Variants in TESMIN observed in about 807,000 individuals in gnomAD.
TESMIN encodes the protein CXC domain containing 2.
In TESMIN, 34 loss-of-function variants were observed where a neutral mutation model predicts 47.4. The ratio of observed to expected loss-of-function variants is 0.72; its 90% CI spans 0.55 to 0.96. The LOEUF (loss-of-function observed/expected upper bound fraction) is 0.96. Ranked by LOEUF, TESMIN falls within the 40% of genes least tolerant of loss-of-function variation. The probability of loss-of-function intolerance (pLI) is 0.00; values close to 1 mark genes in which losing one functional copy is unlikely to be tolerated. For missense variants in TESMIN, 610 were observed against 637.2 expected, an observed-to-expected ratio of 0.96 and a Z score of 0.46; for synonymous variants, 278 against 258.9, an observed-to-expected ratio of 1.07 and a Z score of -0.71.
rs376497218 is a variant in TESMIN, at chr11:68,750,284, G to A, written c.377C>T (p.Ser126Phe). Residue 126 changes from serine to phenylalanine, a missense_variant, in exon 2 of 10, where the codon TCC becomes TTC. Coordinates refer to ENST00000255087, the MANE Select transcript of TESMIN (RefSeq NM_004923.3). ...QPPACNVHFL[S>F]SLLPAHRSPA... Reference sequence around the variant, plus strand: ...GCTGCGGTGCGCGGGTAGCAGCGAGGACAGGAAGTGCACGTTGCAGGCGGG... The same window carrying A: ...GCTGCGGTGCGCGGGTAGCAGCGAGAACAGGAAGTGCACGTTGCAGGCGGG... 6.4e-7 allele frequency: 1 copy of A among 1,552,268 alleles called. No homozygotes were observed. Among genetic ancestry groups the A allele is most frequent in the Non-Finnish European group, 8.6e-7 (1 of 1,156,302 alleles).
chr11:68,723,042 A>G (rs1203866475), intron 6 of TESMIN, among the ~76,000 whole-genome samples: 2 of 152,198 alleles, frequency 1.3e-5, no homozygotes, highest in African/African-American at 4.8e-5. Flanking sequence ...TTTAAACAAC[A>G]AAATAAGCCA....
At chr11:68,735,158 A>G (rs1946372809) in intron 6 of TESMIN, among the ~76,000 whole-genome samples, 1 of 152,144 alleles carries the variant, frequency 6.6e-6, no homozygotes, top group African/African-American at 2.4e-5. Flanking sequence ...TTTTGCCCTC[A>G]TGGGTGCCTA....
chr11:68,709,841 G>A (rs1468568370), intron 9 of TESMIN, among the ~76,000 whole-genome samples: 1 of 152,140 alleles, frequency 6.6e-6, no homozygotes, highest in Admixed American at 6.5e-5. Context: ...CACAGACAAT[G>A]CAGCCAGGTT....
At chr11:68,742,773 C>A (rs1334243393) in intron 4 of TESMIN, among the ~76,000 whole-genome samples, 1 of 152,158 alleles carries the variant, frequency 6.6e-6, no homozygotes, top group Non-Finnish European at 1.5e-5. Flanking sequence ...GCGAGGCTGG[C>A]TTCAAACTCC....
chr11:68,743,234 C>CTTT lies in TESMIN; in HGVS notation c.752-843_752-841dup, dbSNP rs57435562. ...CATCTATTGGATACCACAGGAACTACTTTTTTTTTTTTTTTTTTTTTTGAG... is the reference window on the plus strand; with the variant it reads ...CATCTATTGGATACCACAGGAACTACTTTTTTTTTTTTTTTTTTTTTTTTTGAG... On this transcript the variant is annotated intron_variant, in intron 4 of 9. Coordinates refer to ENST00000255087, the MANE Select transcript of TESMIN (RefSeq NM_004923.3). Among the ~76,000 whole-genome samples the CTTT allele has an allele frequency of 5.3e-3, 647 of 123,004 alleles. 6 individuals carry two copies. The highest frequency in any genetic ancestry group is 0.016 in the Middle Eastern group (3 of 184). The allele number at this position is 123,004 out of a possible 152,430, so 80.7% of individuals were successfully genotyped here.
chr11:68,748,613 G>A (rs1439429302), intron 2 of TESMIN, among the ~76,000 whole-genome samples: 1 of 152,148 alleles, frequency 6.6e-6, no homozygotes, highest in Non-Finnish European at 1.5e-5. Context: ...TCTAGAAGAA[G>A]GAAATTAGCA....
At position 68,711,106 on chromosome 11, in the gene TESMIN, G is replaced by A. The variant is rs182049967; in HGVS notation, c.1159-57C>T. On this transcript the variant is annotated intron_variant, in intron 8 of 9. Coordinates refer to ENST00000255087, the MANE Select transcript of TESMIN (RefSeq NM_004923.3). ...GTTGTCTCACAAGTCATCAAAAACT[G>A]ACAAATTCTATTTGGACCTTAAATA... 7 of 1,402,578 alleles carry A rather than the reference G, an allele frequency of 5.0e-6. No homozygotes were observed. In the East Asian group the frequency reaches 1.6e-4, roughly 32 times the overall value. The allele number at this position is 1,402,578 out of a possible 1,614,324, so 86.9% of individuals were successfully genotyped here.
At position 68,715,926 on chromosome 11, in the gene TESMIN, A is replaced by T; in HGVS notation, c.931T>A (p.Phe311Ile). The T allele has an allele frequency of 1.9e-6, 3 of 1,610,150 alleles. No homozygotes were observed. Among genetic ancestry groups the T allele is most frequent in the Non-Finnish European group, 2.6e-6 (3 of 1,176,418 alleles). The change falls in exon 7 of 10, where the codon TTT (phenylalanine) becomes ATT (isoleucine). Residue 311 changes from phenylalanine to isoleucine, a missense_variant. Transcript: ENST00000255087. ...TTGTTGCAAAAGTCCCCACTGGCAAAGCAGTCACAGTACCTGTGAAGGAAA... is the reference window on the plus strand; with the variant it reads ...TTGTTGCAAAAGTCCCCACTGGCAATGCAGTCACAGTACCTGTGAAGGAAA... ...KITLAGYCDCFASGDFCNNCN... is the reference protein window; with the variant it reads ...KITLAGYCDCIASGDFCNNCN...
chr11:68,705,030 G>A (rs1945985414), downstream of TESMIN, among the ~76,000 whole-genome samples: 1 of 152,224 alleles, frequency 6.6e-6, no homozygotes, highest in Non-Finnish European at 1.5e-5. Context: ...GATGGAGGCA[G>A]GGCTGGGGGA....
intron 5 of TESMIN, 68 bp from the exon 6 acceptor site, chr11:68,738,856 C>T (rs1946422743): frequency 7.4e-7 from 1 of 1,351,272 alleles, no homozygotes; most frequent in Admixed American, 1.8e-5. Context: ...TCAGCCAGCC[C>T]CCTAGATAAA....
rs1466807185 is a variant in TESMIN at position 68,713,323 on chromosome 11, C to A, written c.1105G>T (p.Gly369Trp). Residue 369 changes from glycine (G) to tryptophan (W), a missense_variant, in exon 8 of 10, where the codon GGG becomes TGG. Physicochemically the swap from Gly to Trp is radical, Grantham distance 184. Coordinates refer to ENST00000255087, the MANE Select transcript of TESMIN (RefSeq NM_004923.3). Reference sequence around the variant, plus strand: ...CAGCCTGACCTCCTGCAGTTGCACCCTTTGTTGTGCTGGGGCTTGACATTG... The same window carrying A: ...CAGCCTGACCTCCTGCAGTTGCACCATTTGTTGTGCTGGGGCTTGACATTG... ...LGNVKPQHNK[G>W]CNCRRSGCLK... The A allele has an allele frequency of 1.1e-5, 18 of 1,614,052 alleles. No individual in the cohort carries two copies. Among genetic ancestry groups the A allele is most frequent in the Admixed American group, 1.7e-5 (1 of 59,998 alleles).
chr11:68,735,243 G>A (rs1946373845), intron 6 of TESMIN, among the ~76,000 whole-genome samples: 1 of 152,312 alleles, frequency 6.6e-6, no homozygotes, highest in South Asian at 2.1e-4. Context: ...TCAGAGGGGG[G>A]GCTCTGACAG....
At chr11:68,732,856 T>C (rs1168382101) in intron 6 of TESMIN, 1 of 152,268 alleles carries the variant, frequency 6.6e-6, no homozygotes, top group East Asian at 1.9e-4. Context: ...TTCTACCCAC[T>C]GGTGCACCCC....
chr11:68,736,772 G>A, intron 6 of TESMIN: 1 of 970,526 alleles, frequency 1.0e-6, no homozygotes, highest in Non-Finnish European at 1.2e-6. Flanking sequence ...AGAGGAAGAA[G>A]AGCAGGGGGA....
chr11:68,751,016 C>A (rs1456103089), intron 1 of TESMIN, among the ~76,000 whole-genome samples: 1 of 45,514 alleles, frequency 2.2e-5, no homozygotes, highest in African/African-American at 9.1e-5. Flanking sequence ...AGGGGAGGGG[C>A]GGCCGGGGAG....
At chr11:68,720,787 T>C (rs1202756983) in intron 6 of TESMIN, among the ~76,000 whole-genome samples, 1 of 152,232 alleles carries the variant, frequency 6.6e-6, no homozygotes, top group Non-Finnish European at 1.5e-5. Flanking sequence ...TTATTAATTT[T>C]ATTTTTGATA....
At chr11:68,727,942 T>C (rs1305738963) in intron 6 of TESMIN, among the ~76,000 whole-genome samples, 2 of 152,244 alleles carry the variant, frequency 1.3e-5, no homozygotes, top group Non-Finnish European at 2.9e-5. Context: ...CCACGAGCCA[T>C]GTCCATGTAA....
intron 4 of TESMIN, 75 bp downstream of exon 4, chr11:68,744,916 T>C (rs2153993049): frequency 6.1e-6 from 8 of 1,301,164 alleles, no homozygotes; most frequent in South Asian, 4.6e-5. Flanking sequence ...CATTTCACTT[T>C]ATATACAAAG....
In TESMIN at chr11:68,747,374, A is replaced by G; in HGVS notation, c.472-8T>C. On this transcript the variant is annotated splice_region_variant and splice_polypyrimidine_tract_variant and intron_variant, in intron 2 of 9. Coordinates refer to ENST00000255087, the MANE Select transcript of TESMIN (RefSeq NM_004923.3). ...TGCTTCCTTGATTTCAACCTAGAAAAAAGCAATAATTATTTTAGAGAACAC... is the reference window on the plus strand; with the variant it reads ...TGCTTCCTTGATTTCAACCTAGAAAGAAGCAATAATTATTTTAGAGAACAC... 6.2e-7 allele frequency: 1 copy of G among 1,608,688 alleles called. No individual in the cohort carries two copies. Among genetic ancestry groups the G allele is most frequent in the African/African-American group, 1.3e-5 (1 of 74,928 alleles).
Sources: allele counts gnomAD v4.1 joint callset (sites outside exome capture counted in the v4.1 genomes callset), GRCh38; gene constraint gnomAD v4.1.1; transcripts MANE v1.5; gene names NCBI Gene and HGNC (gene_info 2026-07-23, HGNC 2026-07-21).